LRRC4C: variants seen among roughly 807,000 people sequenced by gnomAD.
LRRC4C encodes the protein leucine rich repeat containing 4C.
Under a neutral mutation model 33.6 loss-of-function variants are expected in LRRC4C, and 5 were observed. The observed-to-expected ratio is 0.15, with a 90% CI of 0.08 to 0.31. The LOEUF (loss-of-function observed/expected upper bound fraction) is 0.31. Ranked by LOEUF, LRRC4C falls within the 10% of genes least tolerant of loss-of-function variation. The probability of loss-of-function intolerance (pLI) is 1.00; values close to 1 mark genes in which losing one functional copy is unlikely to be tolerated. For missense variants in LRRC4C, 560 were observed against 796.7 expected, an observed-to-expected ratio of 0.70 and a Z score of 3.58; for synonymous variants, 329 against 302.0, an observed-to-expected ratio of 1.09 and a Z score of -0.93.
At chr11:41,190,286 T>A (rs193208787) in intron 1 of LRRC4C, among the ~76,000 whole-genome samples, 1 of 152,238 alleles carries the variant, frequency 6.6e-6, no homozygotes, top group East Asian at 1.9e-4. Flanking sequence ...TAAACATACT[T>A]GTGCAATGTA....
At chr11:40,783,748 A>G (rs1950307045) in intron 2 of LRRC4C, among the ~76,000 whole-genome samples, 1 of 152,192 alleles carries the variant, frequency 6.6e-6, no homozygotes, top group Non-Finnish European at 1.5e-5. Flanking sequence ...CATATCAGGG[A>G]AAGATTTAAG....
intron 1 of LRRC4C, among the ~76,000 whole-genome samples, chr11:41,166,417 A>C (rs1944731035): frequency 6.6e-6 from 1 of 152,216 alleles, no homozygotes; most frequent in Admixed American, 6.5e-5. Context: ...CCACAGAACG[A>C]CATATAGTCA....
chr11:41,407,134 T>C (rs1226901260), intron 1 of LRRC4C, among the ~76,000 whole-genome samples: 2 of 152,122 alleles, frequency 1.3e-5, no homozygotes, highest in African/African-American at 2.4e-5. Context: ...TTTCAGTGTC[T>C]ATGGACCACG....
At chr11:40,960,349 C>A (rs1471954651) in intron 1 of LRRC4C, among the ~76,000 whole-genome samples, 1 of 151,646 alleles carries the variant, frequency 6.6e-6, no homozygotes, top group Non-Finnish European at 1.5e-5. Flanking sequence ...ATTATTTGAA[C>A]TTAGTATTTA....
intron 4 of LRRC4C, among the ~76,000 whole-genome samples, chr11:40,246,959 T>C (rs1466955327): frequency 6.6e-6 from 1 of 152,186 alleles, no homozygotes; most frequent in Non-Finnish European, 1.5e-5. Context: ...TAATACCAAC[T>C]GCTCAGTGGG....
intron 2 of LRRC4C, among the ~76,000 whole-genome samples, chr11:40,915,620 C>G (rs1397642103): frequency 6.6e-6 from 1 of 152,180 alleles, no homozygotes; most frequent in African/African-American, 2.4e-5. Flanking sequence ...CAATACCATT[C>G]AGGACATAGG....
intron 1 of LRRC4C, among the ~76,000 whole-genome samples, chr11:41,156,315 T>C (rs1944231303): frequency 2.0e-5 from 3 of 152,166 alleles, no homozygotes. Context: ...CTATTACTAT[T>C]TTCTCTAATA....
At chr11:40,452,393 A>G (rs1951929985) in intron 3 of LRRC4C, among the ~76,000 whole-genome samples, 1 of 152,228 alleles carries the variant, frequency 6.6e-6, no homozygotes, top group Non-Finnish European at 1.5e-5. Context: ...CACTTCTCAA[A>G]AGAAGACATT....
intron 3 of LRRC4C, among the ~76,000 whole-genome samples, chr11:40,544,828 A>G (rs564788270): frequency 1.3e-5 from 2 of 151,842 alleles, no homozygotes; most frequent in African/African-American, 4.8e-5. Flanking sequence ...TTCTTTTTCC[A>G]TTATTGTCCT....
At chr11:40,566,086 G>GTTTTTTTTTTTTTTTTTTTTTTTATT (rs1957753771) in intron 3 of LRRC4C, among the ~76,000 whole-genome samples, 2 of 62,794 alleles carry the variant, frequency 3.2e-5, no homozygotes, top group Non-Finnish European at 5.8e-5. Context: ...TTTTTACTAA[G>GTTTTTTTTTTTTTTTTTTTTTTTATT]TTTTTTTTTT....
intron 1 of LRRC4C, among the ~76,000 whole-genome samples, chr11:41,230,955 A>T (rs1947764141): frequency 6.6e-6 from 1 of 151,882 alleles, no homozygotes; most frequent in Admixed American, 6.6e-5. Context: ...TGGGCAAAGG[A>T]TATGAACAGA....
At chr11:41,171,371 G>C (rs7482265) in intron 1 of LRRC4C, among the ~76,000 whole-genome samples, 100,854 of 151,950 alleles carry the variant, frequency 0.66, 35,123 homozygotes, top group Middle Eastern at 0.79. Context: ...ATCCAACAAT[G>C]ATAGACTTAA....
At chr11:40,611,073 T>A (rs1373220092) in intron 3 of LRRC4C, among the ~76,000 whole-genome samples, 1 of 151,690 alleles carries the variant, frequency 6.6e-6, no homozygotes, top group Non-Finnish European at 1.5e-5. Flanking sequence ...GCCAAAACAA[T>A]CTTGAAAAGA....
At chr11:41,048,843 T>C (rs1857993003) in intron 1 of LRRC4C, among the ~76,000 whole-genome samples, 1 of 152,206 alleles carries the variant, frequency 6.6e-6, no homozygotes, top group Non-Finnish European at 1.5e-5. Context: ...GGGCATGGAC[T>C]CTGCTAGGGG....
At chr11:41,273,630 A>G (rs1949389243) in intron 1 of LRRC4C, among the ~76,000 whole-genome samples, 1 of 152,150 alleles carries the variant, frequency 6.6e-6, no homozygotes, top group Non-Finnish European at 1.5e-5. Flanking sequence ...GTGAATATTC[A>G]TTTTCAGTTA....
chr11:41,184,292 T>A (rs902687758), intron 1 of LRRC4C, among the ~76,000 whole-genome samples: 2 of 152,026 alleles, frequency 1.3e-5, no homozygotes, highest in African/African-American at 4.8e-5. Context: ...GGGTGCAAAT[T>A]TTTCAAACCT....
chr11:40,285,105 C>T (rs143847106), intron 4 of LRRC4C, among the ~76,000 whole-genome samples: 25 of 152,222 alleles, frequency 1.6e-4, no homozygotes, highest in African/African-American at 5.8e-4. Flanking sequence ...GAAAATATAA[C>T]ATGTATTTTT....
At chr11:41,024,012 A>T (rs1390423949) in intron 1 of LRRC4C, among the ~76,000 whole-genome samples, 1 of 151,330 alleles carries the variant, frequency 6.6e-6, no homozygotes, top group Non-Finnish European at 1.5e-5. Context: ...AGCAATTAAC[A>T]TTTTTTTTCT....
At chr11:40,954,533 C>A (rs1958867244) in intron 1 of LRRC4C, among the ~76,000 whole-genome samples, 1 of 151,792 alleles carries the variant, frequency 6.6e-6, no homozygotes, top group African/African-American at 2.4e-5. Context: ...ACCTTGGATT[C>A]TTGGTATTAT....
Sources: gnomAD v4.1 joint callset for allele counts (sites outside exome capture counted in the v4.1 genomes callset) on GRCh38, gnomAD v4.1.1 for gene constraint, MANE v1.5 for transcripts, NCBI Gene and HGNC (gene_info 2026-07-23, HGNC 2026-07-21) for gene names.